Variants in MOSPD1 observed in about 807,000 individuals in gnomAD.
MOSPD1 encodes motile sperm domain-containing protein 1.
Under a neutral mutation model 16.7 loss-of-function variants are expected in MOSPD1, and 5 were observed. The ratio of observed to expected loss-of-function variants is 0.30; its 90% CI spans 0.16 to 0.63. The LOEUF (loss-of-function observed/expected upper bound fraction) is 0.63, where lower values mean the gene tolerates loss of function less well. MOSPD1 is among the 30% of genes least tolerant of loss of function. The pLI, the probability that MOSPD1 is intolerant of heterozygous loss-of-function variation, is 0.82. For synonymous variants in MOSPD1, 67 were observed against 59.2 expected (o/e 1.13, Z -0.61); for missense variants, 104 against 153.6 (o/e 0.68, Z 1.71).
chrX:134,889,854 C>T (rs953639466), intron 5 of MOSPD1, among the ~76,000 whole-genome samples: 6 of 110,467 alleles, frequency 5.4e-5, no homozygotes, highest in African/African-American at 9.9e-5. Context: ...GTGGATCACA[C>T]GAGGTCAGGA....
rs946766275 is a variant in MOSPD1, at chrX:134,915,251, C to A, written c.-171G>T. On this transcript the variant is annotated 5_prime_UTR_variant, in exon 1 of 6. Coordinates refer to ENST00000370783, the MANE Select transcript of MOSPD1 (RefSeq NM_019556.3). Reference sequence around the variant, plus strand: ...CCGCTCCTTTGTCAGCGTCTCTAGGCTGCACTGCCTGCTGGGATACCGGAG... The same window carrying A: ...CCGCTCCTTTGTCAGCGTCTCTAGGATGCACTGCCTGCTGGGATACCGGAG... The A allele has an allele frequency of 3.6e-5, 4 of 111,215 alleles. No homozygotes were observed. The highest frequency in any genetic ancestry group is 1.3e-4 in the African/African-American group (4 of 30,598). 9.2% of individuals were successfully genotyped at this position (111,215 alleles called of 1,213,427 possible). A position where few individuals can be genotyped will look rare whatever the true frequency, so the allele number is the denominator to read the frequency against.
At position 134,889,080 on chromosome X, in the gene MOSPD1, T is replaced by C. The variant is rs1048779711; in HGVS notation, c.*81A>G. The C allele has an allele frequency of 6.1e-6, 4 of 655,556 alleles. No individual in the cohort carries two copies. The Admixed American group carries it at 8.7e-5, about 14-fold the overall frequency. The allele number at this position is 655,556 out of a possible 1,213,427, so 54.0% of individuals were successfully genotyped here. A position where few individuals can be genotyped will look rare whatever the true frequency, so the allele number is the denominator to read the frequency against. On this transcript the variant is annotated 3_prime_UTR_variant, in exon 6 of 6. Coordinates refer to ENST00000370783, the MANE Select transcript of MOSPD1 (RefSeq NM_019556.3). ...CATTCAATAGTTTGTTGCATGTTAA[T>C]GGAGTGAAATAGAGATAAAAGGCAG...
chrX:134,911,417 G>A (rs1216935483), intron 1 of MOSPD1, among the ~76,000 whole-genome samples: 2 of 112,220 alleles, frequency 1.8e-5, no homozygotes, highest in Non-Finnish European at 3.8e-5. Flanking sequence ...CCATACAAAG[G>A]TGTAACTGAA....
At chrX:134,909,653 T>C (rs2082960888) in intron 1 of MOSPD1, among the ~76,000 whole-genome samples, 1 of 112,483 alleles carries the variant, frequency 8.9e-6, no homozygotes, top group African/African-American at 3.2e-5. Flanking sequence ...TCCTCTGAAT[T>C]CCCAGTATTG....
chrX:134,914,685 C>G (rs1004874365), intron 1 of MOSPD1, among the ~76,000 whole-genome samples: 1 of 112,659 alleles, frequency 8.9e-6, no homozygotes, highest in Non-Finnish European at 1.9e-5. Flanking sequence ...CCCGGGACGC[C>G]TCGCTCCAAC....
At chrX:134,909,249 G>A (rs1340649357) in intron 1 of MOSPD1, among the ~76,000 whole-genome samples, 2 of 108,305 alleles carry the variant, frequency 1.8e-5, no homozygotes, top group Admixed American at 9.8e-5. Flanking sequence ...CAGCCTGGGC[G>A]ACAGGCGAGA....
intron 1 of MOSPD1, among the ~76,000 whole-genome samples, chrX:134,912,974 G>C (rs12844641): frequency 0.38 from 40,109 of 106,352 alleles, 5,787 homozygotes; most frequent in African/African-American, 0.46. Flanking sequence ...CACAGTGGAT[G>C]ACGCCTGTAA....
intron 1 of MOSPD1, among the ~76,000 whole-genome samples, chrX:134,910,780 G>A (rs910856075): frequency 8.9e-6 from 1 of 112,037 alleles, no homozygotes; most frequent in Non-Finnish European, 1.9e-5. Context: ...GCAAGTTTCG[G>A]CTAGAAAGGT....
At chrX:134,899,574 T>C in intron 1 of MOSPD1, 40 bp from the exon 2 acceptor site, 1 of 579,978 alleles carries the variant, frequency 1.7e-6, no homozygotes, top group Non-Finnish European at 2.6e-6. Flanking sequence ...AAGTGAATGA[T>C]CCCAATTTTC....
intron 1 of MOSPD1, among the ~76,000 whole-genome samples, chrX:134,902,390 C>CATAAATAAATAAATAAATAA (rs763157635): frequency 1.4e-3 from 135 of 99,529 alleles, no homozygotes; most frequent in Middle Eastern, 5.2e-3. Context: ...AATTCCGTCT[C>CATAAATAAATAAATAAATAA]ATAAATAAAT....
Position 134,896,687 on chromosome X carries a change from A to G in MOSPD1, c.448+130T>C, listed in dbSNP as rs749402053. ...TTCAGGTACCTGATTCTCTAGGTGC[A>G]GTTTTGAAGTAGTTGACCATGTTTG... On this transcript the variant is annotated intron_variant, in intron 4 of 5. Transcript: ENST00000370783. 4 of 496,930 alleles carry G rather than the reference A, an allele frequency of 8.0e-6. No individual in the cohort carries two copies. In the South Asian group the frequency reaches 1.0e-4, roughly 13 times the overall value. The allele number at this position is 496,930 out of a possible 1,213,427, so 41.0% of individuals were successfully genotyped here. A position where few individuals can be genotyped will look rare whatever the true frequency, so the allele number is the denominator to read the frequency against.
intron 1 of MOSPD1, among the ~76,000 whole-genome samples, chrX:134,907,948 A>T (rs1434581361): frequency 8.9e-6 from 1 of 111,936 alleles, no homozygotes; most frequent in Non-Finnish European, 1.9e-5. Flanking sequence ...TTTTTAAAAA[A>T]TTTATGTAGA....
At chrX:134,904,138 A>G (rs761385324) in intron 1 of MOSPD1, among the ~76,000 whole-genome samples, 1 of 112,810 alleles carries the variant, frequency 8.9e-6, no homozygotes, top group South Asian at 3.7e-4. Flanking sequence ...TGCATGGCAA[A>G]AAAACTTTAC....
At chrX:134,899,644 A>C in intron 1 of MOSPD1, 110 bp from the exon 2 acceptor site, 2 of 321,409 alleles carry the variant, frequency 6.2e-6, no homozygotes, top group Non-Finnish European at 1.1e-5. Flanking sequence ...AGGCCCCTGA[A>C]TCGGCCAGGT....
At chrX:134,894,808 G>A (rs750151894) in intron 4 of MOSPD1, among the ~76,000 whole-genome samples, 5 of 111,618 alleles carry the variant, frequency 4.5e-5, no homozygotes, top group Non-Finnish European at 9.4e-5. Context: ...AGCCTTCCTA[G>A]CTCAGCCCAT....
At position 134,899,013 on chromosome X, in the gene MOSPD1, A is replaced by G. The variant is rs1369345600; in HGVS notation, c.230+77T>C. 9 of 887,912 alleles carry G rather than the reference A, an allele frequency of 1.0e-5. No individual in the cohort carries two copies. The Admixed American group carries it at 1.4e-4, about 14-fold the overall frequency. The allele number at this position is 887,912 out of a possible 1,213,427, so 73.2% of individuals were successfully genotyped here. On this transcript the variant is annotated intron_variant, in intron 3 of 5. Coordinates refer to ENST00000370783, the MANE Select transcript of MOSPD1 (RefSeq NM_019556.3). ...CCTATGTGAGAACAGCTTCAAGAAA[A>G]TATCTTTTTTTTTCAAGTTAAAAAC...
intron 1 of MOSPD1, among the ~76,000 whole-genome samples, chrX:134,902,024 CACTT>C (rs200217363): frequency 0.013 from 1,478 of 111,693 alleles, 33 homozygotes; most frequent in African/African-American, 0.041. Flanking sequence ...TCTTGAATAA[CACTT>C]ACTAAAGGCC....
At chrX:134,900,736 CTT>C (rs764421916) in intron 1 of MOSPD1, among the ~76,000 whole-genome samples, 91 of 102,361 alleles carry the variant, frequency 8.9e-4, no homozygotes, top group African/African-American at 3.1e-3. Flanking sequence ...CCAAGTGTGC[CTT>C]TTTTTTTTTT....
Position 134,888,560 on chromosome X carries a change from A to C in MOSPD1, c.*601T>G, listed in dbSNP as rs2148388308. 9.0e-6 allele frequency: 1 copy of C among 111,601 alleles called. No homozygotes were observed. Among genetic ancestry groups the C allele is most frequent in the South Asian group, 3.8e-4 (1 of 2,656 alleles). The allele number at this position is 111,601 out of a possible 1,213,427, so 9.2% of individuals were successfully genotyped here. On this transcript the variant is annotated 3_prime_UTR_variant, in exon 6 of 6. Coordinates refer to ENST00000370783, the MANE Select transcript of MOSPD1 (RefSeq NM_019556.3). ...TATGATTCTTGGTGTCTGGACCACA[A>C]CCTGTTCTGTAATTCACAAGATTAA...
Sources: allele counts gnomAD v4.1 joint callset (sites outside exome capture counted in the v4.1 genomes callset), GRCh38; gene constraint gnomAD v4.1.1; transcripts MANE v1.5; gene names NCBI Gene and HGNC (gene_info 2026-07-23, HGNC 2026-07-21).